ITGBL1: variants seen among roughly 807,000 people sequenced by gnomAD.
ITGBL1 encodes the protein integrin subunit beta like 1, also known as integrin beta-like protein 1.
A neutral mutation model predicts 68.5 loss-of-function variants in ITGBL1; 51 were observed. The ratio of observed to expected loss-of-function variants is 0.74; its 90% CI spans 0.59 to 0.94. The LOEUF is 0.94. Ranked by LOEUF, ITGBL1 falls within the 40% of genes least tolerant of loss-of-function variation. ITGBL1 has a pLI of 0.00. For missense variants in ITGBL1, 649 were observed against 647.4 expected (o/e 1.00, Z -0.03); for synonymous variants, 209 against 227.3 (o/e 0.92, Z 0.72).
At chr13:101,627,880 T>G (rs181228339) in intron 7 of ITGBL1, among the ~76,000 whole-genome samples, 1 of 152,354 alleles carries the variant, frequency 6.6e-6, no homozygotes, top group East Asian at 1.9e-4. Context: ...CTTCCAAGTT[T>G]CGGCAATTAT....
At chr13:101,663,828 AC>A (rs2139484332) in intron 7 of ITGBL1, among the ~76,000 whole-genome samples, 1 of 152,300 alleles carries the variant, frequency 6.6e-6, no homozygotes, top group South Asian at 2.1e-4. Context: ...GATTGAAAAA[AC>A]AATTTAAAAA....
chr13:101,533,361 T>C (rs1350893949), intron 2 of ITGBL1, among the ~76,000 whole-genome samples: 1 of 152,222 alleles, frequency 6.6e-6, no homozygotes, highest in Non-Finnish European at 1.5e-5. Flanking sequence ...GGTAATGCTT[T>C]GCTTCCTTTG....
At chr13:101,683,794 T>A (rs2033695998) in intron 7 of ITGBL1, among the ~76,000 whole-genome samples, 1 of 152,018 alleles carries the variant, frequency 6.6e-6, no homozygotes, top group South Asian at 2.1e-4. Context: ...TTTTGTGGTT[T>A]TAGTCTGCAT....
intron 7 of ITGBL1, among the ~76,000 whole-genome samples, chr13:101,633,054 A>G (rs72659153): frequency 3.1e-3 from 470 of 152,278 alleles, no homozygotes; most frequent in Non-Finnish European, 5.5e-3. Context: ...TCCAGGATAG[A>G]TGAGTGCTCT....
At chr13:101,551,356 A>G (rs1220240864) in intron 2 of ITGBL1, among the ~76,000 whole-genome samples, 3 of 152,194 alleles carry the variant, frequency 2.0e-5, no homozygotes, top group Non-Finnish European at 2.9e-5. Context: ...GCTCAGTTGT[A>G]TGGTTTAAGG....
At chr13:101,481,084 A>ACACACG (rs200376272) in intron 2 of ITGBL1, among the ~76,000 whole-genome samples, 6 of 59,032 alleles carry the variant, frequency 1.0e-4, no homozygotes, top group East Asian at 3.9e-4. Flanking sequence ...ATATATACAC[A>ACACACG]CATATATATA....
intron 2 of ITGBL1, among the ~76,000 whole-genome samples, chr13:101,472,314 CCAAACTGTTGGTACAAAT>C (rs2048473238): frequency 6.6e-6 from 1 of 152,188 alleles, no homozygotes; most frequent in Admixed American, 6.5e-5. Context: ...AAGATAACAA[CCAAACTGTTGGTACAAAT>C]CATGAGACAG....
intron 7 of ITGBL1, among the ~76,000 whole-genome samples, chr13:101,646,909 A>C (rs16959228): frequency 0.13 from 20,538 of 152,154 alleles, 2,037 homozygotes; most frequent in African/African-American, 0.29. Context: ...ATCAAAAGCT[A>C]AATCCTGGAG....
intron 2 of ITGBL1, among the ~76,000 whole-genome samples, chr13:101,564,087 C>G (rs1192943344): frequency 6.6e-6 from 1 of 151,866 alleles, no homozygotes; most frequent in Non-Finnish European, 1.5e-5. Context: ...TCTATAGATT[C>G]AATGCAATCC....
chr13:101,600,423 G>A (rs199966641), intron 7 of ITGBL1, among the ~76,000 whole-genome samples: 3 of 145,374 alleles, frequency 2.1e-5, no homozygotes, highest in Non-Finnish European at 4.5e-5. Context: ...ATTGAATGCC[G>A]TTTATTCCCT....
Position 101,715,847 on chromosome 13 carries a change from A to C in ITGBL1, c.*193A>C, listed in dbSNP as rs558419283. 1 of 459,946 alleles carries C rather than the reference A, an allele frequency of 2.2e-6. No homozygotes were observed. The highest frequency in any genetic ancestry group is 2.0e-5 in the African/African-American group (1 of 50,148). 28.5% of individuals were successfully genotyped at this position (459,946 alleles called of 1,614,324 possible). On this transcript the variant is annotated 3_prime_UTR_variant, in exon 11 of 11. Coordinates refer to ENST00000376180, the MANE Select transcript of ITGBL1 (RefSeq NM_004791.3). ...TGCAAATTTAGATGCAAATAACATT[A>C]GAAAAAAAAGATTCTTCCATAATTA... is the stretch of plus-strand genomic sequence containing the variant.
chr13:101,547,285 T>A (rs1395854973), intron 2 of ITGBL1, among the ~76,000 whole-genome samples: 1 of 151,954 alleles, frequency 6.6e-6, no homozygotes, highest in Non-Finnish European at 1.5e-5. Context: ...TACTAGCTAT[T>A]GAACATATTA....
At chr13:101,526,564 T>G (rs2049382703) in intron 2 of ITGBL1, among the ~76,000 whole-genome samples, 1 of 152,004 alleles carries the variant, frequency 6.6e-6, no homozygotes, top group Non-Finnish European at 1.5e-5. Context: ...ACCATTATTC[T>G]CAGCAAACTA....
intron 7 of ITGBL1, among the ~76,000 whole-genome samples, chr13:101,605,824 A>G (rs1243169062): frequency 6.6e-6 from 1 of 150,836 alleles, no homozygotes; most frequent in African/African-American, 2.4e-5. Flanking sequence ...GTATGTGCAT[A>G]TGTGTATATA....
At chr13:101,536,326 G>T (rs2049575821) in intron 2 of ITGBL1, among the ~76,000 whole-genome samples, 1 of 151,962 alleles carries the variant, frequency 6.6e-6, no homozygotes, top group African/African-American at 2.4e-5. Context: ...TCCAGAAGAG[G>T]AAATATAAAA....
intron 7 of ITGBL1, among the ~76,000 whole-genome samples, chr13:101,671,456 T>TTTTTTTTTTTG (rs71200756): frequency 7.3e-6 from 1 of 137,698 alleles, no homozygotes; most frequent in African/African-American, 2.7e-5. Context: ...TGTTTTTTTT[T>TTTTTTTTTTTG]GAGACGGAGT....
At chr13:101,495,607 A>T (rs150410068) in intron 2 of ITGBL1, among the ~76,000 whole-genome samples, 2,477 of 151,722 alleles carry the variant, frequency 0.016, 19 homozygotes, top group Admixed American at 0.027. Flanking sequence ...CAAAGAGGTA[A>T]CTAGCAAAAG....
intron 7 of ITGBL1, among the ~76,000 whole-genome samples, chr13:101,653,706 T>C (rs1476656712): frequency 6.6e-6 from 1 of 151,790 alleles, no homozygotes; most frequent in Non-Finnish European, 1.5e-5. Flanking sequence ...TTCTTTTTTT[T>C]TGAGACAGAG....
Position 101,598,192 on chromosome 13 carries a change from C to T in ITGBL1, c.908C>T (p.Ala303Val), listed in dbSNP as rs150262172. The T allele has an allele frequency of 1.8e-3, 2,936 of 1,613,502 alleles. 4 individuals are homozygous for T. The highest frequency in any genetic ancestry group is 1.9e-3 in the Non-Finnish European group (2,193 of 1,179,812). Residue 303 changes from alanine (A) to valine (V), a missense_variant, in exon 7 of 11, where the codon GCA becomes GTA. By Grantham distance (64) the Ala-to-Val change is moderately conservative. Transcript: ENST00000376180. Reference protein sequence around the residue: ...QCNCGRCDCKAGWYGKKCEHP... With the variant: ...QCNCGRCDCKVGWYGKKCEHP... ...AATTGCGGAAGATGTGACTGCAAAG[C>T]AGGCTGGTATGGGAAGAAGTGTGAG...
Sources: allele counts gnomAD v4.1 joint callset (sites outside exome capture counted in the v4.1 genomes callset), GRCh38; gene constraint gnomAD v4.1.1; transcripts MANE v1.5; gene names NCBI Gene and HGNC (gene_info 2026-07-23, HGNC 2026-07-21).